The following CSMD1 variants were observed in gnomAD, a reference collection of about 807,000 sequenced individuals.
CSMD1 encodes the protein CUB and sushi domain-containing protein 1.
In CSMD1, 213 loss-of-function variants were observed where a neutral mutation model predicts 417.5. The ratio of observed to expected loss-of-function variants is 0.51; its 90% CI spans 0.46 to 0.57. The LOEUF (loss-of-function observed/expected upper bound fraction) is 0.57. Ranked by LOEUF, CSMD1 falls within the 20% of genes least tolerant of loss-of-function variation. The pLI is 0.00. For synonymous variants in CSMD1, 2,862 were observed against 1,736.8 expected (o/e 1.65, Z -16.11); for missense variants, 6,923 against 4,529.7 (o/e 1.53, Z -15.17).
At chr8:4,533,158 T>A (rs548929712) in intron 2 of CSMD1, among the ~76,000 whole-genome samples, 1 of 152,356 alleles carries the variant, frequency 6.6e-6, no homozygotes, top group East Asian at 1.9e-4. Flanking sequence ...ACCCAGCTAA[T>A]GTTTTCAGGG....
intron 37 of CSMD1, among the ~76,000 whole-genome samples, chr8:3,175,265 T>C (rs1240221717): frequency 6.6e-6 from 1 of 152,212 alleles, no homozygotes; most frequent in Admixed American, 6.5e-5. Flanking sequence ...TCAATTCAAA[T>C]AATGAAAGAG....
intron 3 of CSMD1, among the ~76,000 whole-genome samples, chr8:4,387,769 G>C (rs139171960): frequency 6.6e-6 from 1 of 151,902 alleles, no homozygotes; most frequent in African/African-American, 2.4e-5. Flanking sequence ...CTATCTGAAG[G>C]CTTATGAGAA....
At chr8:3,392,931 T>G (rs1811435312) in intron 17 of CSMD1, among the ~76,000 whole-genome samples, 1 of 152,130 alleles carries the variant, frequency 6.6e-6, no homozygotes, top group Admixed American at 6.5e-5. Flanking sequence ...CAGGTAACCC[T>G]TAGGTGCAGG....
intron 7 of CSMD1, among the ~76,000 whole-genome samples, chr8:3,702,479 C>T (rs980245026): frequency 6.6e-6 from 1 of 152,142 alleles, no homozygotes; most frequent in African/African-American, 2.4e-5. Flanking sequence ...CTGGTTTCTG[C>T]CAAGAAGAAT....
chr8:4,854,675 C>G (rs1801689244), intron 1 of CSMD1, among the ~76,000 whole-genome samples: 2 of 152,102 alleles, frequency 1.3e-5, no homozygotes, highest in African/African-American at 4.8e-5. Context: ...AAAATCGGGT[C>G]ACTCCCACCC....
At chr8:3,427,823 T>C (rs758205779) in intron 12 of CSMD1, among the ~76,000 whole-genome samples, 3 of 152,332 alleles carry the variant, frequency 2.0e-5, no homozygotes, top group Admixed American at 6.5e-5. Flanking sequence ...AGAGGACCAA[T>C]TGCTTCCAGC....
intron 3 of CSMD1, among the ~76,000 whole-genome samples, chr8:4,120,456 T>G (rs1585357288): frequency 2.6e-5 from 4 of 152,338 alleles, no homozygotes; most frequent in African/African-American, 9.6e-5. Flanking sequence ...GTCTCATCCC[T>G]GCCAGTCACT....
chr8:3,998,669 C>G (rs1051920646), intron 4 of CSMD1, among the ~76,000 whole-genome samples: 10 of 151,918 alleles, frequency 6.6e-5, no homozygotes, highest in Non-Finnish European at 1.3e-4. Context: ...TTACATGAAA[C>G]TTAAAATGGA....
At chr8:3,970,446 G>C (rs1018794731) in intron 5 of CSMD1, among the ~76,000 whole-genome samples, 1 of 152,180 alleles carries the variant, frequency 6.6e-6, no homozygotes. Context: ...ACATGGCCAT[G>C]AGAAACTCTT....
At position 3,817,467 on chromosome 8, in the gene CSMD1, G is replaced by C. The variant is rs138939624; in HGVS notation, c.819-63425C>G. ...AGCTCATTTTTGTGTTTTTAGTAGA[G>C]ACGGGGTTTCACCTCGTTAGCGAGG... On this transcript the variant is annotated intron_variant, in intron 5 of 69. Coordinates refer to ENST00000635120, the MANE Select transcript of CSMD1 (RefSeq NM_033225.6). 6.8e-3 allele frequency among the ~76,000 whole-genome samples: 1,025 copies of C among 151,476 alleles called. 14 individuals are homozygous for C. Among genetic ancestry groups the C allele is most frequent in the African/African-American group, 0.022 (925 of 41,348 alleles).
intron 1 of CSMD1, among the ~76,000 whole-genome samples, chr8:4,746,883 A>G (rs1207393897): frequency 2.0e-5 from 3 of 152,216 alleles, no homozygotes; most frequent in African/African-American, 7.2e-5. Context: ...TAAAAGCATA[A>G]TTGACTTAGA....
intron 1 of CSMD1, among the ~76,000 whole-genome samples, chr8:4,963,322 T>G (rs998339426): frequency 6.6e-6 from 1 of 152,052 alleles, no homozygotes; most frequent in Non-Finnish European, 1.5e-5. Flanking sequence ...GCCTCAGCCT[T>G]CTGAGTAGCT....
chr8:4,511,366 T>G (rs1397062931), intron 2 of CSMD1, among the ~76,000 whole-genome samples: 1 of 152,196 alleles, frequency 6.6e-6, no homozygotes, highest in African/African-American at 2.4e-5. Flanking sequence ...AGGCTTCTCC[T>G]TCGCAGGAGA....
intron 1 of CSMD1, among the ~76,000 whole-genome samples, chr8:4,671,299 G>A (rs540545685): frequency 3.3e-5 from 5 of 152,208 alleles, no homozygotes; most frequent in South Asian, 2.1e-4. Context: ...CTAGGGAAAC[G>A]CTAACATGGC....
intron 2 of CSMD1, among the ~76,000 whole-genome samples, chr8:4,488,069 G>A (rs561269344): frequency 6.6e-6 from 1 of 152,196 alleles, no homozygotes; most frequent in Non-Finnish European, 1.5e-5. Flanking sequence ...TTCTGTCTCT[G>A]CCATGTGAGG....
At chr8:4,758,705 G>A (rs1204312529) in intron 1 of CSMD1, among the ~76,000 whole-genome samples, 1 of 151,830 alleles carries the variant, frequency 6.6e-6, no homozygotes, top group Admixed American at 6.5e-5. Context: ...CAGCAGGTAA[G>A]ATAAAGAGAG....
intron 1 of CSMD1, among the ~76,000 whole-genome samples, chr8:4,896,120 C>T (rs908652941): frequency 2.0e-5 from 3 of 152,102 alleles, no homozygotes; most frequent in Non-Finnish European, 4.4e-5. Flanking sequence ...GAAATCAATG[C>T]TACTTTTAGT....
At chr8:3,344,031 T>C (rs373155942) in intron 22 of CSMD1, among the ~76,000 whole-genome samples, 4 of 152,180 alleles carry the variant, frequency 2.6e-5, no homozygotes, top group African/African-American at 7.2e-5. Flanking sequence ...AAGTGTGATG[T>C]TGCTTAAAAT....
chr8:3,396,072 G>T (rs1000231143), intron 17 of CSMD1, 122 bp downstream of exon 17: 3 of 786,486 alleles, frequency 3.8e-6, no homozygotes, highest in Non-Finnish European at 6.1e-6. Flanking sequence ...GTATGGTTTT[G>T]CTAGAGTCAA....
Sources: gnomAD v4.1 joint callset for allele counts (sites outside exome capture counted in the v4.1 genomes callset) on GRCh38, gnomAD v4.1.1 for gene constraint, MANE v1.5 for transcripts, NCBI Gene and HGNC (gene_info 2026-07-23, HGNC 2026-07-21) for gene names.